The following BTBD9 variants were observed in gnomAD, a reference collection of about 807,000 sequenced individuals.
BTBD9 encodes BTB/POZ domain-containing protein 9.
Under a neutral mutation model 64.3 loss-of-function variants are expected in BTBD9, and 49 were observed. The ratio of observed to expected loss-of-function variants is 0.76; its 90% CI spans 0.61 to 0.97. The LOEUF (loss-of-function observed/expected upper bound fraction) is 0.97. BTBD9 is among the 50% of genes least tolerant of loss of function. The pLI is 0.00. For missense variants in BTBD9, 598 were observed against 762.1 expected (o/e 0.78, Z 2.53); for synonymous variants, 260 against 274.7 (o/e 0.95, Z 0.53).
At chr6:38,407,636 G>A (rs1319556506) in intron 6 of BTBD9, among the ~76,000 whole-genome samples, 1 of 152,154 alleles carries the variant, frequency 6.6e-6, no homozygotes. Flanking sequence ...AGGGAGCTAA[G>A]TTGGGTAAAG....
chr6:38,357,731 C>G (rs1050302683), intron 6 of BTBD9, among the ~76,000 whole-genome samples: 1 of 152,078 alleles, frequency 6.6e-6, no homozygotes, highest in Non-Finnish European at 1.5e-5. Flanking sequence ...GAGACGATAA[C>G]CATTTCTCTT....
chr6:38,284,991 T>TTGGGGAGGG, intron 8 of BTBD9, among the ~76,000 whole-genome samples: 1 of 147,474 alleles, frequency 6.8e-6, no homozygotes, highest in Non-Finnish European at 1.5e-5. Context: ...TAGCACAGGG[T>TTGGGGAGGG]TGGGGAGGGT....
chr6:38,393,020 G>A (rs550714028), intron 6 of BTBD9, among the ~76,000 whole-genome samples: 16 of 152,058 alleles, frequency 1.1e-4, no homozygotes, highest in African/African-American at 2.4e-4. Context: ...GATTACAGGC[G>A]CGTGCCACCA....
At chr6:38,366,264 C>A (rs187524820) in intron 6 of BTBD9, among the ~76,000 whole-genome samples, 98 of 152,252 alleles carry the variant, frequency 6.4e-4, no homozygotes, top group African/African-American at 2.3e-3. Context: ...AAAATAAGTA[C>A]CCCCTTCCTT....
chr6:38,319,286 T>C (rs1390202065), intron 7 of BTBD9, among the ~76,000 whole-genome samples: 1 of 152,174 alleles, frequency 6.6e-6, no homozygotes, highest in African/African-American at 2.4e-5. Flanking sequence ...AGCTGCAAGA[T>C]GTTGCTCTAC....
intron 9 of BTBD9, chr6:38,193,950 G>A: frequency 3.2e-6 from 3 of 931,822 alleles, no homozygotes; most frequent in Non-Finnish European, 3.8e-6. Context: ...TGTAAAGTCT[G>A]TGCCCCTGAA....
chr6:38,445,789 T>C (rs1769250188), intron 6 of BTBD9, among the ~76,000 whole-genome samples: 1 of 152,172 alleles, frequency 6.6e-6, no homozygotes, highest in Non-Finnish European at 1.5e-5. Flanking sequence ...CAGAAGACAT[T>C]TGTATTGATA....
In BTBD9 at chr6:38,493,713, G is replaced by A. The variant is rs74663045; in HGVS notation, c.1154+83887C>T. Among the ~76,000 whole-genome samples the A allele has an allele frequency of 5.0e-3, 765 of 152,306 alleles. 17 individuals carry two copies. The East Asian group carries it at 0.067, about 13-fold the overall frequency. The stretch of plus-strand genomic sequence containing the variant: ...TCAAATTAACTACAAAAACATCAGG[G>A]ATACGTGTGGGGATGGAGCTAGCTG... On this transcript the variant is annotated intron_variant, in intron 6 of 10. Transcript: ENST00000481247.
At chr6:38,211,486 T>C (rs1446496490) in intron 9 of BTBD9, among the ~76,000 whole-genome samples, 1 of 149,330 alleles carries the variant, frequency 6.7e-6, no homozygotes, top group Non-Finnish European at 1.5e-5. Context: ...CTCACACCTA[T>C]AATCCCAGCA....
chr6:38,310,676 G>A (rs188852804), intron 7 of BTBD9, among the ~76,000 whole-genome samples: 96 of 151,976 alleles, frequency 6.3e-4, no homozygotes, highest in African/African-American at 2.1e-3. Context: ...TAATTTTTGC[G>A]GGTACATAGT....
At chr6:38,308,887 T>A (rs1762725699) in intron 7 of BTBD9, among the ~76,000 whole-genome samples, 1 of 151,816 alleles carries the variant, frequency 6.6e-6, no homozygotes, top group South Asian at 2.1e-4. Flanking sequence ...CCCCCCAAAG[T>A]GCTGGGATTA....
chr6:38,520,868 G>A (rs1410588277), intron 6 of BTBD9, among the ~76,000 whole-genome samples: 5 of 152,118 alleles, frequency 3.3e-5, no homozygotes, highest in African/African-American at 1.2e-4. Context: ...AATTGCTTGA[G>A]CTCAGTAGAA....
chr6:38,224,031 G>A (rs963855069), intron 9 of BTBD9, among the ~76,000 whole-genome samples: 3 of 151,940 alleles, frequency 2.0e-5, no homozygotes, highest in African/African-American at 7.2e-5. Context: ...TGGGCAACAT[G>A]GTAAAAACCC....
chr6:38,616,413 T>C (rs966765036), intron 1 of BTBD9, among the ~76,000 whole-genome samples: 4 of 152,206 alleles, frequency 2.6e-5, no homozygotes, highest in Non-Finnish European at 5.9e-5. Context: ...TACAACGCCC[T>C]ACTATTCTGA....
At chr6:38,596,620 G>A (rs886158207) in intron 2 of BTBD9, among the ~76,000 whole-genome samples, 5 of 151,990 alleles carry the variant, frequency 3.3e-5, no homozygotes, top group Admixed American at 6.6e-5. Context: ...CTAACACGGT[G>A]AAACCCCGTC....
intron 6 of BTBD9, among the ~76,000 whole-genome samples, chr6:38,486,705 T>A (rs796873143): frequency 1.3e-4 from 20 of 152,316 alleles, no homozygotes; most frequent in African/African-American, 4.8e-4. Flanking sequence ...ACAATAGATA[T>A]AATAATAATG....
chr6:38,397,411 CT>C (rs1211810682), intron 6 of BTBD9, among the ~76,000 whole-genome samples: 1 of 152,060 alleles, frequency 6.6e-6, no homozygotes, highest in Non-Finnish European at 1.5e-5. Flanking sequence ...AAATGACTGG[CT>C]GTGGAAGAGG....
chr6:38,534,063 A>C (rs936345922), intron 6 of BTBD9, among the ~76,000 whole-genome samples: 6 of 152,138 alleles, frequency 3.9e-5, no homozygotes, highest in Admixed American at 2.0e-4. Context: ...ACAAACAAAC[A>C]AACCAATTGG....
At chr6:38,336,918 C>T (rs916806642) in intron 7 of BTBD9, among the ~76,000 whole-genome samples, 1 of 152,158 alleles carries the variant, frequency 6.6e-6, no homozygotes, top group African/African-American at 2.4e-5. Context: ...ATACACTCAG[C>T]AGCCTCTTAA....
Sources: allele counts gnomAD v4.1 joint callset (sites outside exome capture counted in the v4.1 genomes callset), GRCh38; gene constraint gnomAD v4.1.1; transcripts MANE v1.5; gene names NCBI Gene and HGNC (gene_info 2026-07-23, HGNC 2026-07-21).